The following IPO11 variants were observed in gnomAD, a reference collection of about 807,000 sequenced individuals.
IPO11 encodes importin-11.
Under a neutral mutation model 143.2 loss-of-function variants are expected in IPO11, and 66 were observed. The observed-to-expected ratio is 0.46, with a 90% CI of 0.38 to 0.57. IPO11 has a LOEUF of 0.57. Among genes scored for constraint, IPO11 ranks in the 20% least tolerant of loss-of-function variants. IPO11 has a pLI of 0.00. For missense variants in IPO11, 1,026 were observed against 1,141.0 expected, an observed-to-expected ratio of 0.90 and a Z score of 1.45; for synonymous variants, 385 against 377.8, an observed-to-expected ratio of 1.02 and a Z score of -0.22.
chr5:62,558,704 C>T (rs752696091), intron 26 of IPO11, among the ~76,000 whole-genome samples: 26 of 152,052 alleles, frequency 1.7e-4, no homozygotes, highest in Non-Finnish European at 3.4e-4. Flanking sequence ...AAAATACTAT[C>T]GGCATTTTTT....
intron 3 of IPO11, among the ~76,000 whole-genome samples, chr5:62,447,856 G>A (rs1190075977): frequency 6.6e-6 from 1 of 152,012 alleles, no homozygotes. Context: ...CAAAGTGCTG[G>A]TATTACAGTC....
chr5:62,534,779 A>T (rs1742678012), intron 22 of IPO11, among the ~76,000 whole-genome samples: 1 of 152,156 alleles, frequency 6.6e-6, no homozygotes, highest in Non-Finnish European at 1.5e-5. Flanking sequence ...AAATGTTTCT[A>T]GACATTCCCA....
chr5:62,620,219 A>G lies in IPO11; in HGVS notation c.2764-6935A>G, dbSNP rs1205065793. Reference sequence around the variant, plus strand: ...TAGGGAGACGTGAGACTTCAGTCACATGCATTTAAGAAATACAGGGCTGGG... The same window carrying G: ...TAGGGAGACGTGAGACTTCAGTCACGTGCATTTAAGAAATACAGGGCTGGG... On this transcript the variant is annotated intron_variant, in intron 29 of 29. Transcript: ENST00000325324. Among the ~76,000 whole-genome samples, 6 of 152,202 alleles carry G rather than the reference A, an allele frequency of 3.9e-5. No individual in the cohort carries two copies. The East Asian group carries it at 1.2e-3, about 30-fold the overall frequency.
intron 16 of IPO11, among the ~76,000 whole-genome samples, chr5:62,500,162 A>G (rs1013723419): frequency 1.3e-5 from 2 of 152,140 alleles, no homozygotes; most frequent in Non-Finnish European, 2.9e-5. Flanking sequence ...GCATGTGCCT[A>G]TAGTCCCAGC....
In IPO11 at chr5:62,478,983, A is replaced by G. The variant is rs537495467; in HGVS notation, c.828+2230A>G. Among the ~76,000 whole-genome samples, 10 of 152,326 alleles carry G rather than the reference A, an allele frequency of 6.6e-5. 1 individual carries two copies. In the South Asian group the frequency reaches 2.1e-3, roughly 32 times the overall value. On this transcript the variant is annotated intron_variant, in intron 9 of 29. Coordinates refer to ENST00000325324, the MANE Select transcript of IPO11 (RefSeq NM_016338.5). ...TTAAGTTCTAGGGTACATGTGCACA[A>G]TGTGCAGATTTGTTACATATGTATA...
chr5:62,425,080 C>A (rs1438542312), intron 1 of IPO11, among the ~76,000 whole-genome samples: 1 of 152,186 alleles, frequency 6.6e-6, no homozygotes, highest in Non-Finnish European at 1.5e-5. Context: ...ATCTTTCTCG[C>A]ATTGCATTAC....
chr5:62,606,698 G>A (rs916835372), intron 29 of IPO11, among the ~76,000 whole-genome samples: 17 of 152,046 alleles, frequency 1.1e-4, no homozygotes, highest in Admixed American at 8.5e-4. Context: ...TTAGCCGGGC[G>A]TGGTGGCATG....
chr5:62,513,140 C>A (rs1425563267), intron 19 of IPO11, among the ~76,000 whole-genome samples: 27 of 150,950 alleles, frequency 1.8e-4, no homozygotes, highest in African/African-American at 6.3e-4. Flanking sequence ...AGAGGGGCTC[C>A]TCACTTCCCA....
At chr5:62,443,204 A>C (rs1340657461) in intron 3 of IPO11, 121 bp downstream of exon 3, 2 of 561,106 alleles carry the variant, frequency 3.6e-6, no homozygotes, top group Non-Finnish European at 3.1e-6. Context: ...CATATACTAA[A>C]ATTGGAGCAA....
chr5:62,551,251 T>G lies in IPO11; in HGVS notation c.2375T>G (p.Leu792Arg), dbSNP rs1743380622. Reference protein sequence around the residue: ...ERYPVVMSTYLGVMGRVLLQN... With the variant: ...ERYPVVMSTYRGVMGRVLLQN... ...TATCCTGTAGTGATGTCCACGTATC[T>G]TGGAGTTATGGGTCGAGTTCTACTA... Residue 792 changes from leucine to arginine, a missense_variant, in exon 26 of 30, where the codon CTT (leucine) becomes CGT (arginine). Physicochemically the swap from Leu to Arg is moderately radical, Grantham distance 102. Transcript: ENST00000325324. The G allele has an allele frequency of 3.1e-6, 5 of 1,608,626 alleles. No individual in the cohort carries two copies. Among genetic ancestry groups the G allele is most frequent in the Non-Finnish European group, 4.3e-6 (5 of 1,176,180 alleles).
intron 2 of IPO11, among the ~76,000 whole-genome samples, chr5:62,441,107 A>T (rs1223877154): frequency 6.6e-6 from 1 of 152,220 alleles, no homozygotes; most frequent in Non-Finnish European, 1.5e-5. Context: ...GTATAATTAT[A>T]GTCATTATTA....
At chr5:62,441,723 CCA>C (rs1744487644) in intron 2 of IPO11, among the ~76,000 whole-genome samples, 1 of 150,194 alleles carries the variant, frequency 6.7e-6, no homozygotes, top group Non-Finnish European at 1.5e-5. Context: ...ATCATGTTGG[CCA>C]GGCTGGTCTC....
intron 19 of IPO11, among the ~76,000 whole-genome samples, chr5:62,510,881 C>T (rs540779486): frequency 8.6e-5 from 13 of 151,872 alleles, no homozygotes; most frequent in African/African-American, 2.9e-4. Flanking sequence ...TACGGGTGCA[C>T]GCCACCATGC....
intron 2 of IPO11, among the ~76,000 whole-genome samples, chr5:62,441,496 CTTTTTTTTTTTTTTTTTTTTT>C (rs995019567): frequency 4.2e-5 from 2 of 47,342 alleles, no homozygotes; most frequent in East Asian, 8.5e-4. Context: ...TGTGCCTGGC[CTTTTTTTTTTTTTTTTTTTTT>C]TTTTTTTTTT....
At chr5:62,586,768 A>AAAAAAAATATATAT (rs1554057003) in intron 27 of IPO11, among the ~76,000 whole-genome samples, 2 of 28,918 alleles carry the variant, frequency 6.9e-5, no homozygotes, top group African/African-American at 2.7e-4. Context: ...AAAAAAAAAA[A>AAAAAAAATATATAT]ATATATATAT....
chr5:62,532,354 T>C (rs868226461), intron 22 of IPO11, among the ~76,000 whole-genome samples: 84 of 151,938 alleles, frequency 5.5e-4, no homozygotes, highest in African/African-American at 1.6e-3. Flanking sequence ...GTGGTTCGTT[T>C]GTTTGTTTGT....
intron 29 of IPO11, among the ~76,000 whole-genome samples, chr5:62,612,608 A>T (rs1372728590): frequency 6.6e-6 from 1 of 152,220 alleles, no homozygotes; most frequent in African/African-American, 2.4e-5. Flanking sequence ...ATTTTGAAAA[A>T]TAGTTATTTA....
intron 29 of IPO11, among the ~76,000 whole-genome samples, chr5:62,604,822 GATTGTGT>G (rs1745643229): frequency 6.6e-6 from 1 of 152,122 alleles, no homozygotes; most frequent in Non-Finnish European, 1.5e-5. Flanking sequence ...CTGAAGCTGG[GATTGTGT>G]ATTGTATAAC....
At chr5:62,568,061 G>T (rs564381089) in intron 27 of IPO11, among the ~76,000 whole-genome samples, 3 of 151,874 alleles carry the variant, frequency 2.0e-5, no homozygotes, top group Admixed American at 2.0e-4. Flanking sequence ...AACCTCCTGG[G>T]GTCAAGCAAT....
Sources: gnomAD v4.1 joint callset for allele counts (sites outside exome capture counted in the v4.1 genomes callset) on GRCh38, gnomAD v4.1.1 for gene constraint, MANE v1.5 for transcripts, NCBI Gene and HGNC (gene_info 2026-07-23, HGNC 2026-07-21) for gene names.